ARSJ: variants seen among roughly 807,000 people sequenced by gnomAD.
The protein encoded by ARSJ is arylsulfatase family member J.
A neutral mutation model predicts 35.9 loss-of-function variants in ARSJ; 26 were observed. The ratio of observed to expected loss-of-function variants is 0.72; its 90% CI spans 0.53 to 1.00. The LOEUF (loss-of-function observed/expected upper bound fraction) is 1.00, where lower values mean the gene tolerates loss of function less well. Among genes scored for constraint, ARSJ ranks in the 50% least tolerant of loss-of-function variants. The probability of loss-of-function intolerance (pLI) is 0.00; values close to 1 mark genes in which losing one functional copy is unlikely to be tolerated. For synonymous variants in ARSJ, 294 were observed against 267.6 expected (o/e 1.10, Z -0.96); for missense variants, 667 against 723.6 (o/e 0.92, Z 0.90).
chr4:113,922,175 G>C (rs2149259254), intron 1 of ARSJ, among the ~76,000 whole-genome samples: 2 of 152,256 alleles, frequency 1.3e-5, no homozygotes, highest in Middle Eastern at 6.8e-3. Flanking sequence ...TTCTGATTAA[G>C]TAAAATCTTA....
At chr4:113,949,010 T>C (rs1343432800) in intron 1 of ARSJ, among the ~76,000 whole-genome samples, 1 of 151,942 alleles carries the variant, frequency 6.6e-6, no homozygotes, top group Non-Finnish European at 1.5e-5. Flanking sequence ...TAAGCAGCTA[T>C]AAAAAAAGAA....
intron 1 of ARSJ, among the ~76,000 whole-genome samples, chr4:113,936,755 T>C (rs1240987436): frequency 1.3e-5 from 2 of 151,822 alleles, no homozygotes; most frequent in African/African-American, 2.4e-5. Flanking sequence ...TACTTTATTA[T>C]AGCTCAATTA....
At chr4:113,964,810 T>G (rs550846195) in intron 1 of ARSJ, among the ~76,000 whole-genome samples, 35 of 152,078 alleles carry the variant, frequency 2.3e-4, no homozygotes, top group Non-Finnish European at 4.9e-4. Flanking sequence ...ACCCTAGCCT[T>G]TCTGAAATAT....
intron 1 of ARSJ, among the ~76,000 whole-genome samples, chr4:113,908,058 C>T (rs2099669297): frequency 6.6e-6 from 1 of 151,930 alleles, no homozygotes. Context: ...ATCCATGTAA[C>T]AAAACTGCAC....
At chr4:113,949,108 C>T (rs1725688965) in intron 1 of ARSJ, among the ~76,000 whole-genome samples, 1 of 151,458 alleles carries the variant, frequency 6.6e-6, no homozygotes, top group Non-Finnish European at 1.5e-5. Flanking sequence ...TCAAACACCA[C>T]ATGTTCTCAC....
intron 1 of ARSJ, among the ~76,000 whole-genome samples, chr4:113,909,971 T>C (rs1239080234): frequency 3.9e-5 from 6 of 152,208 alleles, no homozygotes; most frequent in African/African-American, 7.2e-5. Context: ...TTGTATAATA[T>C]GAAATTAGTT....
At chr4:113,973,047 C>T (rs9992583) in intron 1 of ARSJ, among the ~76,000 whole-genome samples, 146,689 of 152,266 alleles carry the variant, frequency 0.96, 70,900 homozygotes, top group East Asian at 1. Context: ...CCCTCATTCA[C>T]AGATGATCCC....
In ARSJ at chr4:113,900,591, T is replaced by C. The variant is rs1374062541; in HGVS notation, c.*1683A>G. 3 of 152,208 alleles carry C rather than the reference T, an allele frequency of 2.0e-5. No individual in the cohort carries two copies. Among genetic ancestry groups the C allele is most frequent in the African/African-American group, 7.2e-5 (3 of 41,460 alleles). 9.4% of individuals were successfully genotyped at this position (152,208 alleles called of 1,614,324 possible). On this transcript the variant is annotated 3_prime_UTR_variant, in exon 2 of 2. Coordinates refer to ENST00000315366, the MANE Select transcript of ARSJ (RefSeq NM_024590.4). ...CTTTGAGCTGTGATGTAAATGTATT[T>C]AATGGTATGCTGTCATACCACCACA...
rs140944184 is a variant in ARSJ, at chr4:113,978,127, T to C, written c.398+310A>G. Among the ~76,000 whole-genome samples, 273 of 152,346 alleles carry C rather than the reference T, an allele frequency of 1.8e-3. 2 individuals carry two copies. Among genetic ancestry groups the C allele is most frequent in the African/African-American group, 6.3e-3 (260 of 41,590 alleles). Reference sequence around the variant, plus strand: ...AATCTGAGCATGCTCAAAAGTAGAATAGATTTGAAACAGGAGACCATTTCT... The same window carrying C: ...AATCTGAGCATGCTCAAAAGTAGAACAGATTTGAAACAGGAGACCATTTCT... On this transcript the variant is annotated intron_variant, in intron 1 of 1. Transcript: ENST00000315366.
intron 1 of ARSJ, among the ~76,000 whole-genome samples, chr4:113,915,972 G>A (rs987383221): frequency 1.3e-5 from 2 of 152,176 alleles, no homozygotes; most frequent in Admixed American, 1.3e-4. Flanking sequence ...GACACTAACT[G>A]GAAAGCTCGC....
chr4:113,952,652 G>A (rs1474932975), intron 1 of ARSJ, among the ~76,000 whole-genome samples: 1 of 152,106 alleles, frequency 6.6e-6, no homozygotes, highest in Admixed American at 6.6e-5. Context: ...AGAGGGCTGA[G>A]AACTAGGTAC....
chr4:113,925,025 C>A (rs983263016), intron 1 of ARSJ, among the ~76,000 whole-genome samples: 11 of 152,022 alleles, frequency 7.2e-5, no homozygotes, highest in African/African-American at 2.7e-4. Context: ...TTCCCATTGA[C>A]CTTAATCACA....
At chr4:113,967,299 T>C (rs950444864) in intron 1 of ARSJ, among the ~76,000 whole-genome samples, 1 of 152,160 alleles carries the variant, frequency 6.6e-6, no homozygotes, top group Admixed American at 6.6e-5. Flanking sequence ...ATTCTACATA[T>C]GCCCATTTGG....
intron 1 of ARSJ, chr4:113,943,331 C>T (rs954971856): frequency 6.6e-6 from 1 of 152,060 alleles, no homozygotes; most frequent in African/African-American, 2.4e-5. Context: ...GACACAGGGG[C>T]CTAGGATCAT....
In ARSJ at chr4:113,958,597, A is replaced by G. The variant is rs566935314; in HGVS notation, c.398+19840T>C. On this transcript the variant is annotated intron_variant, in intron 1 of 1. Transcript: ENST00000315366. ...AGATTGGTTATTTTTTTCTCTATGG[A>G]TATTAACCTGCATGTTTTGACTTTA... is the stretch of plus-strand genomic sequence containing the variant. Among the ~76,000 whole-genome samples, 43 of 152,134 alleles carry G rather than the reference A, an allele frequency of 2.8e-4. No homozygotes were observed. In the South Asian group the frequency reaches 8.1e-3, roughly 29 times the overall value.
intron 1 of ARSJ, among the ~76,000 whole-genome samples, chr4:113,911,974 C>T (rs1434710651): frequency 1.3e-5 from 2 of 152,070 alleles, no homozygotes; most frequent in Non-Finnish European, 2.9e-5. Flanking sequence ...GAGTGGTGTG[C>T]TACCGAAATT....
At chr4:113,977,338 C>G (rs141088967) in intron 1 of ARSJ, among the ~76,000 whole-genome samples, 68 of 152,300 alleles carry the variant, frequency 4.5e-4, no homozygotes, top group Middle Eastern at 6.8e-3. Context: ...ATGCTAAGTT[C>G]TGACAGTTTG....
intron 1 of ARSJ, among the ~76,000 whole-genome samples, chr4:113,929,698 C>A (rs578111453): frequency 6.6e-6 from 1 of 152,088 alleles, no homozygotes; most frequent in South Asian, 2.1e-4. Flanking sequence ...AATTTCAGCT[C>A]TTTCTGTTTC....
intron 1 of ARSJ, among the ~76,000 whole-genome samples, chr4:113,945,228 C>T (rs752112771): frequency 3.3e-5 from 5 of 151,928 alleles, no homozygotes; most frequent in African/African-American, 7.2e-5. Context: ...CTGACCTCCT[C>T]GGTTCAAGCA....
Sources: gnomAD v4.1 joint callset for allele counts (sites outside exome capture counted in the v4.1 genomes callset) on GRCh38, gnomAD v4.1.1 for gene constraint, MANE v1.5 for transcripts, NCBI Gene and HGNC (gene_info 2026-07-23, HGNC 2026-07-21) for gene names.